The following CREB5 variants were observed in gnomAD, a reference collection of about 807,000 sequenced individuals.
CREB5 encodes cyclic AMP-responsive element-binding protein 5.
In CREB5, 19 loss-of-function variants were observed where a neutral mutation model predicts 57.1. The ratio of observed to expected loss-of-function variants is 0.33; its 90% CI spans 0.23 to 0.49. CREB5 has a LOEUF of 0.49. CREB5 is among the 20% of genes least tolerant of loss of function. CREB5 has a pLI of 0.99. For missense variants in CREB5, 579 were observed against 671.6 expected (o/e 0.86, Z 1.52); for synonymous variants, 238 against 238.3 (o/e 1.00, Z 0.01).
intron 1 of CREB5, among the ~76,000 whole-genome samples, chr7:28,323,849 T>C (rs1028842808): frequency 2.6e-5 from 4 of 152,184 alleles, no homozygotes; most frequent in African/African-American, 9.7e-5. Context: ...GCCCTGAGCT[T>C]GTTTTCCTGC....
At chr7:28,779,578 T>C (rs964248884) in intron 7 of CREB5, among the ~76,000 whole-genome samples, 3 of 152,242 alleles carry the variant, frequency 2.0e-5, no homozygotes, top group African/African-American at 7.2e-5. Context: ...ATGCATGCCC[T>C]GCTTTTGGTT....
intron 1 of CREB5, among the ~76,000 whole-genome samples, chr7:28,301,101 T>C (rs1583653617): frequency 6.6e-6 from 1 of 152,332 alleles, no homozygotes; most frequent in East Asian, 1.9e-4. Context: ...GTGACTCTAA[T>C]ATGTAGACAG....
At chr7:28,336,302 T>G (rs1785820655) in intron 1 of CREB5, among the ~76,000 whole-genome samples, 1 of 152,154 alleles carries the variant, frequency 6.6e-6, no homozygotes, top group Admixed American at 6.5e-5. Flanking sequence ...TTGGTAAAAT[T>G]CAGCTGTGAA....
intron 5 of CREB5, among the ~76,000 whole-genome samples, chr7:28,697,700 G>T (rs942100317): frequency 5.9e-5 from 9 of 152,200 alleles, no homozygotes; most frequent in African/African-American, 2.2e-4. Context: ...AACCAATGGG[G>T]ATTTTTGCTG....
In CREB5 at chr7:28,598,822, G is replaced by C. The variant is rs536123575; in HGVS notation, c.464+28285G>C. Among the ~76,000 whole-genome samples, 13 of 152,224 alleles carry C rather than the reference G, an allele frequency of 8.5e-5. No individual in the cohort carries two copies. The East Asian group carries it at 2.5e-3, about 29-fold the overall frequency. On this transcript the variant is annotated intron_variant, in intron 5 of 10. Coordinates refer to ENST00000357727, the MANE Select transcript of CREB5 (RefSeq NM_182898.4). ...ACAGAGTTTAGGGGGATGGACGCGGGGGAGTCTATGTTTAAAGTAAGGCAG... is the reference window on the plus strand; with the variant it reads ...ACAGAGTTTAGGGGGATGGACGCGGCGGAGTCTATGTTTAAAGTAAGGCAG...
chr7:28,695,337 C>G (rs1801494457), intron 5 of CREB5, among the ~76,000 whole-genome samples: 1 of 152,212 alleles, frequency 6.6e-6, no homozygotes, highest in Non-Finnish European at 1.5e-5. Flanking sequence ...CACATTTCTG[C>G]CCTGCCAGGC....
intron 5 of CREB5, among the ~76,000 whole-genome samples, chr7:28,665,272 G>C (rs879321167): frequency 3.9e-5 from 6 of 152,062 alleles, no homozygotes; most frequent in Non-Finnish European, 8.8e-5. Context: ...TGTTGCCTGC[G>C]TCTCCTACAG....
chr7:28,804,649 C>A, intron 8 of CREB5, 127 bp downstream of exon 8: 1 of 1,156,196 alleles, frequency 8.6e-7, no homozygotes, highest in Non-Finnish European at 1.3e-6. Flanking sequence ...ATTCTAGGGG[C>A]TCTGTTTATC....
intron 1 of CREB5, among the ~76,000 whole-genome samples, chr7:28,397,084 A>G (rs1488591381): frequency 1.3e-5 from 2 of 152,228 alleles, no homozygotes; most frequent in African/African-American, 4.8e-5. Flanking sequence ...GTGGAAACTG[A>G]TTTCTCAGGA....
At chr7:28,558,703 G>C (rs1454414670) in intron 4 of CREB5, among the ~76,000 whole-genome samples, 1 of 152,164 alleles carries the variant, frequency 6.6e-6, no homozygotes, top group African/African-American at 2.4e-5. Context: ...CAAGGGAAAG[G>C]CAAAGGCAAG....
intron 7 of CREB5, among the ~76,000 whole-genome samples, chr7:28,731,091 T>G (rs892048167): frequency 6.6e-6 from 1 of 152,144 alleles, no homozygotes; most frequent in Non-Finnish European, 1.5e-5. Flanking sequence ...TGAATTTGAG[T>G]TTAGCTATTG....
intron 3 of CREB5, among the ~76,000 whole-genome samples, chr7:28,495,306 G>A (rs1791985687): frequency 6.6e-6 from 1 of 152,130 alleles, no homozygotes; most frequent in Admixed American, 6.6e-5. Flanking sequence ...GGGAGGCTGA[G>A]GTGGGCAGAT....
chr7:28,420,140 A>G (rs1788184762), intron 1 of CREB5, among the ~76,000 whole-genome samples: 1 of 152,084 alleles, frequency 6.6e-6, no homozygotes, highest in Non-Finnish European at 1.5e-5. Flanking sequence ...CACTTACAAA[A>G]ATCAGGGAGA....
intron 1 of CREB5, among the ~76,000 whole-genome samples, chr7:28,330,679 T>C (rs1005993866): frequency 6.6e-6 from 1 of 151,248 alleles, no homozygotes; most frequent in Non-Finnish European, 1.5e-5. Context: ...GAAGGGCAGG[T>C]TGAAAGCAGC....
intron 9 of CREB5, among the ~76,000 whole-genome samples, chr7:28,813,994 A>G (rs575198521): frequency 1.3e-5 from 2 of 152,358 alleles, no homozygotes; most frequent in South Asian, 2.1e-4. Flanking sequence ...TAACCTTCAT[A>G]GGGGAATACA....
chr7:28,574,648 C>T lies in CREB5; in HGVS notation c.464+4111C>T, dbSNP rs138992888. On this transcript the variant is annotated intron_variant, in intron 5 of 10. Coordinates refer to ENST00000357727, the MANE Select transcript of CREB5 (RefSeq NM_182898.4). ...CAGAGCTCTGACGGGTTATGGGAGA[C>T]GCTTCCAAAATATTCTACATATTTT... Among the ~76,000 whole-genome samples, 110 of 152,264 alleles carry T rather than the reference C, an allele frequency of 7.2e-4. 1 individual carries two copies. The highest frequency in any genetic ancestry group is 2.4e-3 in the African/African-American group (100 of 41,540).
At chr7:28,362,186 T>C (rs953417467) in intron 1 of CREB5, among the ~76,000 whole-genome samples, 2 of 152,220 alleles carry the variant, frequency 1.3e-5, no homozygotes, top group Admixed American at 1.3e-4. Context: ...AAACCCTATT[T>C]TAATATCTGT....
chr7:28,603,750 G>A (rs1015973085), intron 5 of CREB5, among the ~76,000 whole-genome samples: 3 of 152,186 alleles, frequency 2.0e-5, no homozygotes, highest in Admixed American at 6.5e-5. Flanking sequence ...TACTTAGTCC[G>A]TTAGTTGGTT....
At chr7:28,560,901 C>CATGCGCGTGTGTGT (rs1562797666) in intron 4 of CREB5, among the ~76,000 whole-genome samples, 2 of 21,664 alleles carry the variant, frequency 9.2e-5, no homozygotes, top group African/African-American at 1.4e-4. Flanking sequence ...TGTGTGCGTG[C>CATGCGCGTGTGTGT]GCGCGTGCGT....
Sources: allele counts gnomAD v4.1 joint callset (sites outside exome capture counted in the v4.1 genomes callset), GRCh38; gene constraint gnomAD v4.1.1; transcripts MANE v1.5; gene names NCBI Gene and HGNC (gene_info 2026-07-23, HGNC 2026-07-21).